The following GABRR2 variants were observed in gnomAD, a reference collection of about 807,000 sequenced individuals.
The protein encoded by GABRR2 is gamma-aminobutyric acid type A receptor subunit rho2, also known as gamma-aminobutyric acid receptor subunit rho-2.
Under a neutral mutation model 47.0 loss-of-function variants are expected in GABRR2, and 36 were observed. That is an observed-to-expected ratio of 0.77 (90% CI 0.59 to 1.01). GABRR2 has a LOEUF of 1.01. Ranked by LOEUF, GABRR2 falls within the 50% of genes least tolerant of loss-of-function variation. The pLI is 0.00. For synonymous variants in GABRR2, 204 were observed against 227.5 expected (o/e 0.90, Z 0.93); for missense variants, 587 against 594.6 (o/e 0.99, Z 0.13).
At chr6:89,263,876 T>C (rs1318917453) in intron 8 of GABRR2, among the ~76,000 whole-genome samples, 1 of 152,230 alleles carries the variant, frequency 6.6e-6, no homozygotes, top group Non-Finnish European at 1.5e-5. Context: ...AGGTTTTTTT[T>C]TAAAGAAATA....
At chr6:89,309,595 T>C (rs1454963498) in intron 1 of GABRR2, among the ~76,000 whole-genome samples, 1 of 152,164 alleles carries the variant, frequency 6.6e-6, no homozygotes, top group Non-Finnish European at 1.5e-5. Flanking sequence ...AAGACTTTTT[T>C]TAGAGTAATT....
intron 2 of GABRR2, among the ~76,000 whole-genome samples, chr6:89,284,852 T>A (rs1774307219): frequency 1.3e-5 from 2 of 152,210 alleles, no homozygotes; most frequent in South Asian, 4.1e-4. Flanking sequence ...CTCTCAAAAA[T>A]TTTTTAGTAG....
chr6:89,268,187 T>C (rs4707535), intron 4 of GABRR2, 91 bp from the exon 5 acceptor site: 689,310 of 872,092 alleles, frequency 0.79, 273,812 homozygotes, highest in African/African-American at 0.88. Flanking sequence ...CACAACTGAG[T>C]AGCTGCCTCC....
rs572829345 is a variant in GABRR2, at chr6:89,268,222, AAC to A, written c.513-128_513-127del. On this transcript the variant is annotated intron_variant, in intron 4 of 8. Coordinates refer to ENST00000402938, the MANE Select transcript of GABRR2 (RefSeq NM_002043.5). ...CTCACATCTGCTGCAGAAGTTTGGA[AAC>A]AGTTATCTGAGTTATAGAACCTTAA... 718 of 725,000 alleles carry A rather than the reference AAC, an allele frequency of 9.9e-4. 3 individuals carry two copies. Among genetic ancestry groups the A allele is most frequent in the South Asian group, 1.9e-3 (125 of 65,020 alleles). 44.9% of individuals were successfully genotyped at this position (725,000 alleles called of 1,614,324 possible).
chr6:89,283,207 C>G (rs1277033575), intron 2 of GABRR2, among the ~76,000 whole-genome samples: 1 of 119,992 alleles, frequency 8.3e-6, no homozygotes, highest in Non-Finnish European at 1.8e-5. Flanking sequence ...TTTTTTTTTG[C>G]TTGTTGTAAG....
At chr6:89,309,285 G>T (rs1419640526) in intron 1 of GABRR2, among the ~76,000 whole-genome samples, 1 of 151,990 alleles carries the variant, frequency 6.6e-6, no homozygotes, top group African/African-American at 2.4e-5. Flanking sequence ...ACGTGTAGGT[G>T]GTGAGGTAAC....
Position 89,267,946 on chromosome 6 carries a change from T to G in GABRR2, c.595+68A>C, listed in dbSNP as rs1773942796. On this transcript the variant is annotated intron_variant, in intron 5 of 8. Transcript: ENST00000402938. ...CGCTGGCGGGCAGTGCTCAGTCTCA[T>G]GATTACTAAAATGGCACAAAGATCA... The G allele has an allele frequency of 1.9e-6, 3 of 1,580,630 alleles. No homozygotes were observed. The Admixed American group carries it at 5.0e-5, about 27-fold the overall frequency.
intron 8 of GABRR2, among the ~76,000 whole-genome samples, chr6:89,259,753 C>T (rs1286529890): frequency 5.9e-5 from 9 of 152,230 alleles, no homozygotes; most frequent in African/African-American, 2.2e-4. Flanking sequence ...ATCTGCCTGC[C>T]TAGGCCTCCT....
intron 2 of GABRR2, among the ~76,000 whole-genome samples, chr6:89,275,896 C>T (rs1025369912): frequency 1.3e-5 from 2 of 152,006 alleles, no homozygotes; most frequent in Non-Finnish European, 2.9e-5. Context: ...TGTCAGTCAC[C>T]GAACACGGAT....
chr6:89,301,867 G>A (rs1322169142), intron 1 of GABRR2: 8 of 1,145,682 alleles, frequency 7.0e-6, no homozygotes, highest in Non-Finnish European at 9.2e-6. Flanking sequence ...TGATGAGCAT[G>A]GCATAGACCC....
intron 8 of GABRR2, among the ~76,000 whole-genome samples, chr6:89,259,795 C>T (rs949068545): frequency 1.3e-5 from 2 of 152,002 alleles, no homozygotes; most frequent in East Asian, 1.9e-4. Flanking sequence ...TTAGCCACTG[C>T]ACCCAGCCAA....
chr6:89,292,822 T>C (rs1279235235), intron 2 of GABRR2, among the ~76,000 whole-genome samples: 5 of 16,310 alleles, frequency 3.1e-4, no homozygotes, highest in Admixed American at 8.3e-4. Context: ...CGATATATCG[T>C]ATATATCGTA....
At chr6:89,268,674 T>G (rs1263913500) in intron 4 of GABRR2, among the ~76,000 whole-genome samples, 1 of 152,178 alleles carries the variant, frequency 6.6e-6, no homozygotes, top group Non-Finnish European at 1.5e-5. Flanking sequence ...GGCTTTTTTT[T>G]TAATCTATTT....
At chr6:89,296,707 C>G (rs1774560563) in intron 2 of GABRR2, among the ~76,000 whole-genome samples, 2 of 152,218 alleles carry the variant, frequency 1.3e-5, no homozygotes, top group Non-Finnish European at 2.9e-5. Context: ...ACAAGGAGTC[C>G]ACTTTCCTCC....
rs1434990476 is a variant in GABRR2, at chr6:89,292,819, TCGTATATATCG to T, written c.220+6929_220+6939del. On this transcript the variant is annotated intron_variant, in intron 2 of 8. Transcript: ENST00000402938. ...TCGTATATATCGTATATACGATATATCGTATATATCGTATATACGATATATCGTATATATCA... is the reference window on the plus strand; with the variant it reads ...TCGTATATATCGTATATACGATATATTATATACGATATATCGTATATATCA... Among the ~76,000 whole-genome samples the T allele has an allele frequency of 2.2e-3, 49 of 22,392 alleles. 6 individuals are homozygous for T. In the Middle Eastern group the frequency reaches 0.071, roughly 33 times the overall value. 14.7% of individuals were successfully genotyped at this position (22,392 alleles called of 152,430 possible). A position where few individuals can be genotyped will look rare whatever the true frequency, so the allele number is the denominator to read the frequency against.
chr6:89,275,750 G>C (rs1774147608), intron 2 of GABRR2, among the ~76,000 whole-genome samples: 1 of 152,220 alleles, frequency 6.6e-6, no homozygotes, highest in Non-Finnish European at 1.5e-5. Context: ...TCAAGGGGCT[G>C]TGGGACAGGA....
intron 1 of GABRR2, among the ~76,000 whole-genome samples, chr6:89,307,762 T>C (rs536944833): frequency 6.6e-6 from 1 of 152,270 alleles, no homozygotes; most frequent in Non-Finnish European, 1.5e-5. Context: ...GTGTTTGTTG[T>C]TTATTTACAT....
intron 2 of GABRR2, among the ~76,000 whole-genome samples, chr6:89,281,022 A>G (rs1243394656): frequency 1.3e-5 from 2 of 152,274 alleles, no homozygotes; most frequent in South Asian, 2.1e-4. Flanking sequence ...TCTGAATTTG[A>G]TATTTTAAGG....
intron 2 of GABRR2, among the ~76,000 whole-genome samples, chr6:89,276,663 GA>G (rs916955623): frequency 4.0e-5 from 6 of 150,942 alleles, no homozygotes; most frequent in Admixed American, 6.6e-5. Flanking sequence ...AATAGGAAAA[GA>G]AAAAAAAAGT....
Sources: gnomAD v4.1 joint callset for allele counts (sites outside exome capture counted in the v4.1 genomes callset) on GRCh38, gnomAD v4.1.1 for gene constraint, MANE v1.5 for transcripts, NCBI Gene and HGNC (gene_info 2026-07-23, HGNC 2026-07-21) for gene names.